LYPD6B: variants seen among roughly 807,000 people sequenced by gnomAD.
LYPD6B encodes LY6/PLAUR domain containing 6B, also known as ly6/PLAUR domain-containing protein 6B.
Under a neutral mutation model 22.8 loss-of-function variants are expected in LYPD6B, and 17 were observed. That is an observed-to-expected ratio of 0.75 (90% CI 0.51 to 1.12). LYPD6B has a LOEUF of 1.12. LYPD6B is among the 50% of genes most tolerant of loss of function. LYPD6B has a pLI of 0.00. For missense variants in LYPD6B, 221 were observed against 258.3 expected (o/e 0.86, Z 0.99); for synonymous variants, 106 against 91.6 (o/e 1.16, Z -0.90).
intron 3 of LYPD6B, among the ~76,000 whole-genome samples, chr2:149,171,525 C>G (rs945021086): frequency 1.1e-4 from 14 of 131,786 alleles, no homozygotes; most frequent in African/African-American, 3.3e-4. Flanking sequence ...TTTTTGAAGT[C>G]TGATTTTTTT....
intron 3 of LYPD6B, among the ~76,000 whole-genome samples, chr2:149,186,924 C>T (rs909840047): frequency 2.6e-5 from 4 of 152,200 alleles, no homozygotes; most frequent in Admixed American, 1.3e-4. Flanking sequence ...TAAGAAATTT[C>T]CACAGCCACC....
chr2:149,067,951 T>C (rs1684418836), intron 1 of LYPD6B, among the ~76,000 whole-genome samples: 1 of 152,068 alleles, frequency 6.6e-6, no homozygotes, highest in African/African-American at 2.4e-5. Context: ...ACTGGCCTGA[T>C]AGGAGGGGAG....
intron 2 of LYPD6B, among the ~76,000 whole-genome samples, chr2:149,158,087 A>G (rs1045345052): frequency 6.6e-6 from 1 of 152,122 alleles, no homozygotes; most frequent in Non-Finnish European, 1.5e-5. Context: ...GGGAAGAAAA[A>G]CTATTTAACA....
intron 2 of LYPD6B, among the ~76,000 whole-genome samples, chr2:149,156,659 T>C (rs1039053699): frequency 5.3e-5 from 8 of 152,176 alleles, no homozygotes; most frequent in Non-Finnish European, 1.0e-4. Context: ...CAGTCACCTA[T>C]TGGATTGGAT....
intron 1 of LYPD6B, among the ~76,000 whole-genome samples, chr2:149,126,654 A>T (rs558878188): frequency 6.6e-6 from 1 of 152,322 alleles, no homozygotes; most frequent in African/African-American, 2.4e-5. Flanking sequence ...GTGTATCCAC[A>T]CAGTTCAAAC....
chr2:149,043,720 T>C (rs1683188091), intron 1 of LYPD6B, among the ~76,000 whole-genome samples: 1 of 152,164 alleles, frequency 6.6e-6, no homozygotes, highest in African/African-American at 2.4e-5. Flanking sequence ...CCAAAAAGTC[T>C]TGAACATTTC....
chr2:149,168,135 G>A (rs1045958048), intron 3 of LYPD6B, among the ~76,000 whole-genome samples: 1 of 150,986 alleles, frequency 6.6e-6, no homozygotes, highest in East Asian at 2.0e-4. Flanking sequence ...GCTAGAACGG[G>A]GGAGGCGGAG....
At chr2:149,207,129 C>G (rs1448759738) in intron 4 of LYPD6B, among the ~76,000 whole-genome samples, 1 of 152,064 alleles carries the variant, frequency 6.6e-6, no homozygotes, top group South Asian at 2.1e-4. Context: ...TTTAACTGTA[C>G]TGATTTAATT....
chr2:149,049,752 A>T (rs1683466418), intron 1 of LYPD6B, among the ~76,000 whole-genome samples: 1 of 152,206 alleles, frequency 6.6e-6, no homozygotes, highest in African/African-American at 2.4e-5. Flanking sequence ...AAGTGCTCTT[A>T]GAGGTCACAG....
chr2:149,176,922 C>A (rs767232107), intron 3 of LYPD6B, among the ~76,000 whole-genome samples: 8 of 152,208 alleles, frequency 5.3e-5, no homozygotes, highest in Admixed American at 5.2e-4. Context: ...TGCCTCTCCC[C>A]ATACACACAC....
intron 2 of LYPD6B, among the ~76,000 whole-genome samples, chr2:149,159,288 TGAG>T (rs1228606188): frequency 1.3e-5 from 2 of 152,178 alleles, no homozygotes; most frequent in East Asian, 3.9e-4. Context: ...CTAACACTCT[TGAG>T]GAGTATGTGT....
chr2:149,066,306 C>T (rs1379203974), intron 1 of LYPD6B, among the ~76,000 whole-genome samples: 8 of 151,982 alleles, frequency 5.3e-5, no homozygotes, highest in Admixed American at 5.2e-4. Context: ...AGATATATCT[C>T]CTAATGCTAT....
chr2:149,130,804 C>T lies in LYPD6B; in HGVS notation c.-66-79C>T, dbSNP rs945258826. On this transcript the variant is annotated intron_variant, in intron 1 of 6. Transcript: ENST00000409642. The stretch of plus-strand genomic sequence containing the variant: ...ATGATGTGTCCCCAGCCTAAAACCC[C>T]CTACTTACTTAAAATCCCTTTATCC... 7.3e-6 allele frequency: 5 copies of T among 685,390 alleles called. No homozygotes were observed. The Admixed American group carries it at 1.2e-4, about 16-fold the overall frequency. 42.5% of individuals were successfully genotyped at this position (685,390 alleles called of 1,614,324 possible). A position where few individuals can be genotyped will look rare whatever the true frequency, so the allele number is the denominator to read the frequency against.
intron 1 of LYPD6B, among the ~76,000 whole-genome samples, chr2:149,063,802 G>C (rs777160537): frequency 4.7e-4 from 72 of 152,110 alleles, no homozygotes; most frequent in Non-Finnish European, 9.1e-4. Flanking sequence ...GGTTTGCACA[G>C]GAACAACAAT....
chr2:149,200,468 A>G lies in LYPD6B; in HGVS notation c.78-4785A>G, dbSNP rs189264310. On this transcript the variant is annotated intron_variant, in intron 3 of 6. Transcript: ENST00000409642. ...TAGCTAATGAGGTTGGCTCTATTCC[A>G]TAAAGTATCTACTGAGTATCTAGCA... Among the ~76,000 whole-genome samples, 740 of 152,162 alleles carry G rather than the reference A, an allele frequency of 4.9e-3. 7 individuals are homozygous for G. Among genetic ancestry groups the G allele is most frequent in the African/African-American group, 0.016 (684 of 41,508 alleles).
In LYPD6B at chr2:149,041,594, GA is replaced by G. The variant is rs138236869; in HGVS notation, c.-67+2796del. ...CAATCAGAATTCTGTTAGCAAGGAG[GA>G]AAGTGAGACTGCCTGTTGGGCTGTT... is the stretch of plus-strand genomic sequence containing the variant. On this transcript the variant is annotated intron_variant, in intron 1 of 6. Transcript: ENST00000409642. 7.7e-3 allele frequency among the ~76,000 whole-genome samples: 1,170 copies of G among 152,260 alleles called. 11 individuals are homozygous for G. Among genetic ancestry groups the G allele is most frequent in the African/African-American group, 0.027 (1,113 of 41,538 alleles).
At chr2:149,192,686 G>A (rs1038153497) in intron 3 of LYPD6B, among the ~76,000 whole-genome samples, 26 of 151,998 alleles carry the variant, frequency 1.7e-4, no homozygotes, top group African/African-American at 4.8e-4. Flanking sequence ...AATTAGTTTC[G>A]GATGGGAAAG....
At chr2:149,113,852 G>A (rs1343790369) in intron 1 of LYPD6B, among the ~76,000 whole-genome samples, 1 of 152,176 alleles carries the variant, frequency 6.6e-6, no homozygotes, top group Non-Finnish European at 1.5e-5. Flanking sequence ...CTTTTCAGGA[G>A]ATGAAATTAT....
At chr2:149,169,386 C>T (rs1690668695) in intron 3 of LYPD6B, among the ~76,000 whole-genome samples, 1 of 152,164 alleles carries the variant, frequency 6.6e-6, no homozygotes, top group Non-Finnish European at 1.5e-5. Flanking sequence ...GGAAGTGTTA[C>T]TCTGGTAGTC....
Sources: allele counts gnomAD v4.1 joint callset (sites outside exome capture counted in the v4.1 genomes callset), GRCh38; gene constraint gnomAD v4.1.1; transcripts MANE v1.5; gene names NCBI Gene and HGNC (gene_info 2026-07-23, HGNC 2026-07-21).